The following DNAH12 variants were observed in gnomAD, a reference collection of about 807,000 sequenced individuals.
DNAH12 encodes the protein dynein axonemal heavy chain 12.
A neutral mutation model predicts 371.5 loss-of-function variants in DNAH12; 285 were observed. The ratio of observed to expected loss-of-function variants is 0.77; its 90% CI spans 0.70 to 0.85. The LOEUF (loss-of-function observed/expected upper bound fraction) is 0.85. Among genes scored for constraint, DNAH12 ranks in the 40% least tolerant of loss-of-function variants. DNAH12 has a pLI of 0.00. For synonymous variants in DNAH12, 1,200 were observed against 1,213.0 expected (o/e 0.99, Z 0.22); for missense variants, 3,611 against 3,689.4 (o/e 0.98, Z 0.55).
chr3:57,470,305 C>T (rs1397025484), intron 16 of DNAH12, 138 bp downstream of exon 16: 1 of 826,396 alleles, frequency 1.2e-6, no homozygotes, highest in East Asian at 2.8e-5. Flanking sequence ...GGATGTTTCT[C>T]CTACATGGTA....
rs150196657 is a variant in DNAH12 at position 57,335,284 on chromosome 3, A to G, written c.9675-344T>C. Among the ~76,000 whole-genome samples, 9 of 152,314 alleles carry G rather than the reference A, an allele frequency of 5.9e-5. No individual in the cohort carries two copies. In the East Asian group the frequency reaches 1.7e-3, roughly 29 times the overall value. Reference sequence around the variant, plus strand: ...AAACCGGCATTAAGTTCTCCTCAACAGTATTGCTGAGTTGAGGACATCAGC... The same window carrying G: ...AAACCGGCATTAAGTTCTCCTCAACGGTATTGCTGAGTTGAGGACATCAGC... On this transcript the variant is annotated intron_variant, in intron 60 of 73. Coordinates refer to ENST00000495027, the MANE Select transcript of DNAH12 (RefSeq NM_001366028.2).
intron 58 of DNAH12, among the ~76,000 whole-genome samples, chr3:57,362,886 G>A (rs2062968286): frequency 6.6e-6 from 1 of 152,128 alleles, no homozygotes; most frequent in South Asian, 2.1e-4. Flanking sequence ...GATCCCATTT[G>A]TCTATTTTGG....
At chr3:57,442,194 A>G (rs989785203) in intron 29 of DNAH12, among the ~76,000 whole-genome samples, 4 of 152,192 alleles carry the variant, frequency 2.6e-5, no homozygotes, top group African/African-American at 9.6e-5. Context: ...TACTAAAGGA[A>G]GTTTTTTAGG....
intron 29 of DNAH12, among the ~76,000 whole-genome samples, chr3:57,437,364 A>G (rs2065160133): frequency 6.7e-6 from 1 of 149,524 alleles, no homozygotes; most frequent in African/African-American, 2.5e-5. Context: ...TAGGAAATAG[A>G]AAGACCTGTC....
chr3:57,478,828 T>C (rs1474630014), intron 13 of DNAH12, among the ~76,000 whole-genome samples: 4 of 152,062 alleles, frequency 2.6e-5, no homozygotes, highest in Admixed American at 2.0e-4. Flanking sequence ...CAAACTAAGC[T>C]TCATAAGTGA....
the DNAH12 span, among the ~76,000 whole-genome samples, chr3:57,551,050 T>C: frequency 2.6e-5 from 4 of 151,104 alleles, no homozygotes; most frequent in East Asian, 4.0e-4. Context: ...GTATTTTTAG[T>C]AGAGATGGGG....
intron 45 of DNAH12, among the ~76,000 whole-genome samples, chr3:57,389,295 G>A (rs2063560607): frequency 1.3e-5 from 2 of 150,260 alleles, no homozygotes; most frequent in East Asian, 3.9e-4. Flanking sequence ...TAATCATCCT[G>A]CTAATAATCA....
chr3:57,302,531 A>C (rs13095112), intron 69 of DNAH12, among the ~76,000 whole-genome samples: 6 of 18,232 alleles, frequency 3.3e-4, no homozygotes, highest in African/African-American at 1.4e-3. Flanking sequence ...CATCAGGTGT[A>C]TATATATATA....
chr3:57,531,478 G>A (rs2068844422), intron 2 of DNAH12, among the ~76,000 whole-genome samples: 1 of 151,854 alleles, frequency 6.6e-6, no homozygotes, highest in African/African-American at 2.4e-5. Flanking sequence ...AATGCCTTGA[G>A]GGGCCAGGCG....
In DNAH12 at chr3:57,417,675, CACATT is replaced by C. The variant is rs141158540; in HGVS notation, c.5714+1687_5714+1691del. Among the ~76,000 whole-genome samples the C allele has an allele frequency of 5.7e-3, 866 of 152,250 alleles. 4 individuals are homozygous for C. Among genetic ancestry groups the C allele is most frequent in the African/African-American group, 0.019 (786 of 41,542 alleles). On this transcript the variant is annotated intron_variant, in intron 37 of 73. Coordinates refer to ENST00000495027, the MANE Select transcript of DNAH12 (RefSeq NM_001366028.2). ...AGTAGAAATCATAGCTATTATCCTA[CACATT>C]ACAATTGTTACAGTATCTCAAAAAT...
At position 57,323,533 on chromosome 3, in the gene DNAH12, G is replaced by A; in HGVS notation, c.10065C>T (p.Tyr3355=). The change falls in exon 63 of 74, where the codon TAC becomes TAT. Residue 3355 remains tyrosine (Y), a synonymous_variant. Transcript: ENST00000495027. Reference sequence around the variant, plus strand: ...AGGGAATGGTGCAATTTGAATCCAAGTAACTCTTTGTCAAATCAAATGGTG... The same window carrying A: ...AGGGAATGGTGCAATTTGAATCCAAATAACTCTTTGTCAAATCAAATGGTG... ...EPPPFDLTKS[Y]LDSNCTIPLI... is the part of the protein sequence containing the mutation. 6.4e-7 allele frequency: 1 copy of A among 1,551,012 alleles called. No individual in the cohort carries two copies. Among genetic ancestry groups the A allele is most frequent in the Non-Finnish European group, 8.7e-7 (1 of 1,146,788 alleles).
intron 2 of DNAH12, among the ~76,000 whole-genome samples, chr3:57,538,501 A>G (rs2153402424): frequency 6.6e-6 from 1 of 152,330 alleles, no homozygotes; most frequent in African/African-American, 2.4e-5. Context: ...ATTTGTGTTG[A>G]GATCCCTCTC....
At position 57,458,179 on chromosome 3, in the gene DNAH12, T is replaced by C; in HGVS notation, c.2973A>G (p.Leu991=). The C allele has an allele frequency of 6.5e-7, 1 of 1,549,864 alleles. No homozygotes were observed. Among genetic ancestry groups the C allele is most frequent in the South Asian group, 1.2e-5 (1 of 83,300 alleles). The change falls in exon 21 of 74, where the codon CTA becomes CTG. Residue 991 remains leucine (L), a synonymous_variant. Coordinates refer to ENST00000495027, the MANE Select transcript of DNAH12 (RefSeq NM_001366028.2). ...ATSLTGLLEK[L]QNCNELLEKI... is the part of the protein sequence containing the mutation. The stretch of plus-strand genomic sequence containing the variant: ...TCTCCAAAAGTTCATTGCAGTTCTG[T>C]AGTTTTTCCAATAAACCTGTTAAAG...
At chr3:57,312,506 C>T (rs1245883636) in intron 66 of DNAH12, among the ~76,000 whole-genome samples, 1 of 152,208 alleles carries the variant, frequency 6.6e-6, no homozygotes, top group African/African-American at 2.4e-5. Flanking sequence ...AGGCAGCCTG[C>T]TCATACCAGG....
rs747944631 is a variant in DNAH12 at position 57,501,332 on chromosome 3, C to G, written c.1324G>C (p.Glu442Gln). Residue 442 changes from glutamate (E) to glutamine (Q), a missense_variant, in exon 11 of 74, where the codon GAA becomes CAA. By Grantham distance (29) the Glu-to-Gln change is conservative (BLOSUM62 2). Coordinates refer to ENST00000495027, the MANE Select transcript of DNAH12 (RefSeq NM_001366028.2). ...TFQTEDHTFDEYTEFIEKFLS... is the reference protein window; with the variant it reads ...TFQTEDHTFDQYTEFIEKFLS... ...GAATTACCGCTTACCTCTGTATATT[C>G]ATCAAAAGTATGATCTTCTGTCTGA... 1.3e-6 allele frequency: 2 copies of G among 1,598,588 alleles called. No homozygotes were observed. Among genetic ancestry groups the G allele is most frequent in the Admixed American group, 3.6e-5 (2 of 56,066 alleles).
intron 2 of DNAH12, among the ~76,000 whole-genome samples, chr3:57,525,756 CTT>C (rs776184662): frequency 2.6e-5 from 2 of 76,272 alleles, no homozygotes; most frequent in African/African-American, 5.4e-5. Flanking sequence ...ATGTCTTATT[CTT>C]TTTTTTTTTT....
At chr3:57,329,775 A>G (rs1275809262) in intron 62 of DNAH12, among the ~76,000 whole-genome samples, 1 of 152,002 alleles carries the variant, frequency 6.6e-6, no homozygotes, top group African/African-American at 2.4e-5. Context: ...GTGAACAGGC[A>G]ACCCACAAAA....
intron 22 of DNAH12, 24 bp from the exon 23 acceptor site, chr3:57,454,918 A>G: frequency 6.5e-7 from 1 of 1,531,184 alleles, no homozygotes; most frequent in East Asian, 2.5e-5. Context: ...ATAAATTTCT[A>G]ACTTTAAAAG....
chr3:57,329,409 A>G (rs1387434094), intron 62 of DNAH12, among the ~76,000 whole-genome samples: 2 of 124,942 alleles, frequency 1.6e-5, no homozygotes, highest in East Asian at 4.7e-4. Flanking sequence ...ATAACGCCAC[A>G]TATCTACAAC....
Sources: gnomAD v4.1 joint callset for allele counts (sites outside exome capture counted in the v4.1 genomes callset) on GRCh38, gnomAD v4.1.1 for gene constraint, MANE v1.5 for transcripts, NCBI Gene and HGNC (gene_info 2026-07-23, HGNC 2026-07-21) for gene names.